Variants in UST observed in about 807,000 individuals in gnomAD.
The protein encoded by UST is chondroitin sulfate 2-O-sulfotransferase.
Under a neutral mutation model 45.6 loss-of-function variants are expected in UST, and 21 were observed. The ratio of observed to expected loss-of-function variants is 0.46; its 90% CI spans 0.33 to 0.66. The LOEUF (loss-of-function observed/expected upper bound fraction) is 0.66, where lower values mean the gene tolerates loss of function less well. UST is among the 30% of genes least tolerant of loss of function. The probability of loss-of-function intolerance (pLI) is 0.02; values close to 1 mark genes in which losing one functional copy is unlikely to be tolerated. For synonymous variants in UST, 215 were observed against 200.6 expected, an observed-to-expected ratio of 1.07 and a Z score of -0.61; for missense variants, 463 against 512.4, an observed-to-expected ratio of 0.90 and a Z score of 0.93.
intron 7 of UST, among the ~76,000 whole-genome samples, chr6:149,040,137 C>T (rs560584558): frequency 6.6e-6 from 1 of 152,204 alleles, no homozygotes; most frequent in Non-Finnish European, 1.5e-5. Context: ...GCTCTTCCAA[C>T]TCAAACAACT....
chr6:149,042,142 C>A (rs973037205), intron 7 of UST, among the ~76,000 whole-genome samples: 2 of 152,086 alleles, frequency 1.3e-5, no homozygotes, highest in African/African-American at 4.8e-5. Flanking sequence ...TTTTATTATT[C>A]CCATTTTACA....
At position 148,844,088 on chromosome 6, in the gene UST, C is replaced by A. The variant is rs571507640; in HGVS notation, c.248-42898C>A. Among the ~76,000 whole-genome samples, 149 of 152,272 alleles carry A rather than the reference C, an allele frequency of 9.8e-4. 2 individuals are homozygous for A. The highest frequency in any genetic ancestry group is 6.6e-3 in the South Asian group (32 of 4,824). On this transcript the variant is annotated intron_variant, in intron 1 of 7. Coordinates refer to ENST00000367463, the MANE Select transcript of UST (RefSeq NM_005715.3). ...TCTCCTTTAGGTAGCTTTCTCTGAC[C>A]CACTTTGTCACTGAGGCAGAATTGT...
At chr6:148,753,569 T>C (rs1225670020) in intron 1 of UST, among the ~76,000 whole-genome samples, 1 of 152,220 alleles carries the variant, frequency 6.6e-6, no homozygotes, top group Non-Finnish European at 1.5e-5. Flanking sequence ...GTTTATCCAT[T>C]CACCCATTAA....
chr6:149,022,098 A>G (rs1382135756), intron 7 of UST, among the ~76,000 whole-genome samples: 1 of 152,250 alleles, frequency 6.6e-6, no homozygotes, highest in African/African-American at 2.4e-5. Context: ...CTGTGGTATC[A>G]TCGTAAGTAT....
chr6:149,001,766 G>A (rs531255586), intron 5 of UST, among the ~76,000 whole-genome samples: 1 of 152,270 alleles, frequency 6.6e-6, no homozygotes, highest in African/African-American at 2.4e-5. Context: ...CAGAGCTGTT[G>A]AGTAAAACAA....
intron 3 of UST, 48 bp from the exon 4 acceptor site, chr6:148,953,824 C>G: frequency 1.9e-6 from 2 of 1,033,678 alleles, no homozygotes; most frequent in Non-Finnish European, 2.8e-6. Flanking sequence ...CTTAATATGG[C>G]TTGGTAAATT....
chr6:149,009,597 A>G (rs953388112), intron 5 of UST, among the ~76,000 whole-genome samples: 5 of 152,088 alleles, frequency 3.3e-5, no homozygotes, highest in Non-Finnish European at 7.4e-5. Flanking sequence ...ACAGACACAC[A>G]TCACCTGCAA....
At chr6:148,781,731 G>C (rs1322533950) in intron 1 of UST, among the ~76,000 whole-genome samples, 3 of 152,170 alleles carry the variant, frequency 2.0e-5, no homozygotes, top group African/African-American at 7.2e-5. Flanking sequence ...TTTCCTGTTA[G>C]GGGCTTATGT....
chr6:148,956,360 C>G, intron 4 of UST, among the ~76,000 whole-genome samples: 1 of 136,010 alleles, frequency 7.4e-6, no homozygotes, highest in East Asian at 2.2e-4. Flanking sequence ...TCGAAAGGCA[C>G]TTCTTACATG....
At chr6:148,905,026 G>A (rs1236758110) in intron 2 of UST, among the ~76,000 whole-genome samples, 2 of 152,196 alleles carry the variant, frequency 1.3e-5, no homozygotes, top group East Asian at 3.8e-4. Context: ...TCCTGGCAAA[G>A]CCAAGTACTC....
intron 7 of UST, among the ~76,000 whole-genome samples, chr6:149,023,101 GGTGT>G (rs61544082): frequency 0.13 from 17,995 of 143,098 alleles, 1,311 homozygotes; most frequent in African/African-American, 0.15. Flanking sequence ...CTTGTTCTAT[GGTGT>G]GTGTGTGTGT....
At chr6:148,845,690 A>T (rs1777972905) in intron 1 of UST, among the ~76,000 whole-genome samples, 1 of 152,208 alleles carries the variant, frequency 6.6e-6, no homozygotes, top group Admixed American at 6.5e-5. Flanking sequence ...TTAACTTTAT[A>T]AGCAGCTGCC....
intron 2 of UST, among the ~76,000 whole-genome samples, chr6:148,901,851 G>A (rs1428658557): frequency 2.6e-5 from 4 of 152,164 alleles, no homozygotes; most frequent in Non-Finnish European, 2.9e-5. Flanking sequence ...GAGCCACTGC[G>A]CCTGGCTGAC....
At chr6:148,943,523 A>G (rs995893383) in intron 3 of UST, among the ~76,000 whole-genome samples, 2 of 152,258 alleles carry the variant, frequency 1.3e-5, no homozygotes, top group African/African-American at 4.8e-5. Flanking sequence ...GCAATTTACT[A>G]ACCATGTATA....
intron 2 of UST, among the ~76,000 whole-genome samples, chr6:148,926,948 T>TG (rs927433070): frequency 9.5e-5 from 13 of 136,164 alleles, no homozygotes; most frequent in Admixed American, 2.2e-4. Flanking sequence ...TTTGAAAAAA[T>TG]GTTTTTTTTT....
At chr6:148,789,447 TCTCTCTCACACACA>T (rs1473416906) in intron 1 of UST, among the ~76,000 whole-genome samples, 3 of 130,390 alleles carry the variant, frequency 2.3e-5, no homozygotes, top group African/African-American at 9.1e-5. Context: ...TCTCTCTCTC[TCTCTCTCACACACA>T]CACACACACA....
At chr6:148,941,023 A>T in intron 2 of UST, among the ~76,000 whole-genome samples, 1 of 152,192 alleles carries the variant, frequency 6.6e-6, no homozygotes, top group Non-Finnish European at 1.5e-5. Flanking sequence ...CAAGTTTGAT[A>T]ATCAATCTTA....
chr6:148,893,149 T>C (rs2114851666), intron 2 of UST, among the ~76,000 whole-genome samples: 1 of 152,328 alleles, frequency 6.6e-6, no homozygotes, highest in African/African-American at 2.4e-5. Flanking sequence ...TACACTTACA[T>C]ACAAAAGCAT....
At position 148,789,453 on chromosome 6, in the gene UST, T is replaced by TCTCA. The variant is rs1199697244; in HGVS notation, c.247+41777_247+41778insTCAC. ...CTCTCTCTCTCTCTCTCTCTCTCTC[T>TCTCA]CACACACACACACACACACACACAC... On this transcript the variant is annotated intron_variant, in intron 1 of 7. Transcript: ENST00000367463. Among the ~76,000 whole-genome samples, 214 of 134,330 alleles carry TCTCA rather than the reference T, an allele frequency of 1.6e-3. 1 individual carries two copies. The highest frequency in any genetic ancestry group is 5.7e-3 in the African/African-American group (193 of 34,016). The allele number at this position is 134,330 out of a possible 152,430, so 88.1% of individuals were successfully genotyped here.
Sources: gnomAD v4.1 joint callset for allele counts (sites outside exome capture counted in the v4.1 genomes callset) on GRCh38, gnomAD v4.1.1 for gene constraint, MANE v1.5 for transcripts, NCBI Gene and HGNC (gene_info 2026-07-23, HGNC 2026-07-21) for gene names.